Variants in CELF2 observed in about 807,000 individuals in gnomAD.
CELF2 encodes CUG triplet repeat RNA-binding protein 2.
Under a neutral mutation model 62.6 loss-of-function variants are expected in CELF2, and 8 were observed. The ratio of observed to expected loss-of-function variants is 0.13; its 90% CI spans 0.07 to 0.23. The LOEUF (loss-of-function observed/expected upper bound fraction) is 0.23. CELF2 is among the 10% of genes least tolerant of loss of function. CELF2 has a pLI of 1.00. For missense variants in CELF2, 333 were observed against 671.0 expected (o/e 0.50, Z 5.56); for synonymous variants, 258 against 250.0 (o/e 1.03, Z -0.30).
At chr10:10,689,705 G>T in the CELF2 span, among the ~76,000 whole-genome samples, 1 of 152,150 alleles carries the variant, frequency 6.6e-6, no homozygotes, top group Non-Finnish European at 1.5e-5. Context: ...ACCTGGATTA[G>T]CAAATAACCG....
rs1019409175 is a variant in CELF2, at chr10:10,931,602, A to C, written c.89+11603A>C. ...TTGGGCACCACGGCACCCCTTCCAA[A>C]GTAAAGAAAATTTATTTCCAAATTA... On this transcript the variant is annotated intron_variant, in intron 2 of 13. Coordinates refer to the CELF2 transcript ENST00000636488. The surrounding 1 kb of genome is among the most constrained non-coding windows in gnomAD (Gnocchi z 6.1). 7.9e-5 allele frequency among the ~76,000 whole-genome samples: 12 copies of C among 152,290 alleles called. No individual in the cohort carries two copies. Among genetic ancestry groups the C allele is most frequent in the Non-Finnish European group, 1.5e-4 (10 of 68,016 alleles).
intron 1 of CELF2, among the ~76,000 whole-genome samples, chr10:11,112,686 T>G (rs1341937206): frequency 1.3e-5 from 2 of 152,244 alleles, no homozygotes; most frequent in African/African-American, 4.8e-5. Context: ...GCAATAGTAA[T>G]GATCAATTTT....
intron 1 of CELF2, among the ~76,000 whole-genome samples, chr10:11,052,326 T>C (rs978584106): frequency 6.6e-6 from 1 of 152,222 alleles, no homozygotes; most frequent in Non-Finnish European, 1.5e-5. Context: ...TTACCTTTTT[T>C]CAAAGACATT....
At chr10:10,620,079 A>T in the CELF2 span, among the ~76,000 whole-genome samples, 1 of 152,194 alleles carries the variant, frequency 6.6e-6, no homozygotes, top group African/African-American at 2.4e-5. Flanking sequence ...TAGAAAAAAA[A>T]TGTTTCTAAT....
intron 1 of CELF2, among the ~76,000 whole-genome samples, chr10:11,148,102 G>A (rs1348824977): frequency 1.3e-5 from 2 of 152,264 alleles, no homozygotes; most frequent in African/African-American, 2.4e-5. Flanking sequence ...CAAGAAGAAC[G>A]TGGCTTGATA....
At chr10:11,084,850 G>A (rs967747874) in intron 1 of CELF2, among the ~76,000 whole-genome samples, 9 of 152,128 alleles carry the variant, frequency 5.9e-5, no homozygotes, top group Admixed American at 2.6e-4. Flanking sequence ...GGTCATTATC[G>A]TCAAACTGCT....
At chr10:10,594,369 G>A in the CELF2 span, among the ~76,000 whole-genome samples, 1 of 148,990 alleles carries the variant, frequency 6.7e-6, no homozygotes, top group Non-Finnish European at 1.5e-5. Flanking sequence ...ACAGGCTTAT[G>A]GGCACCCATT....
At chr10:11,053,850 G>A (rs908618087) in intron 1 of CELF2, among the ~76,000 whole-genome samples, 11 of 151,914 alleles carry the variant, frequency 7.2e-5, no homozygotes, top group African/African-American at 1.9e-4. Flanking sequence ...TCCTGACCTC[G>A]TGATCCACCC....
At chr10:10,672,999 A>C in the CELF2 span, among the ~76,000 whole-genome samples, 1 of 151,782 alleles carries the variant, frequency 6.6e-6, no homozygotes, top group Non-Finnish European at 1.5e-5. Context: ...CCTCATATAG[A>C]TCTTGTATGT....
At chr10:10,644,866 C>G in the CELF2 span, among the ~76,000 whole-genome samples, 1 of 152,190 alleles carries the variant, frequency 6.6e-6, no homozygotes, top group East Asian at 1.9e-4. Flanking sequence ...TCAGCAGTGA[C>G]TTAGAAAATG....
chr10:11,029,771 C>T (rs895362304), intron 1 of CELF2, among the ~76,000 whole-genome samples: 1 of 152,242 alleles, frequency 6.6e-6, no homozygotes, highest in Non-Finnish European at 1.5e-5. Flanking sequence ...TGTTTCTGTA[C>T]AAATTAATTG....
chr10:10,779,151 C>T, the CELF2 span, among the ~76,000 whole-genome samples: 2 of 152,184 alleles, frequency 1.3e-5, 1 homozygote, highest in South Asian at 4.1e-4. Context: ...CTAACATTTG[C>T]AGAATGGATT....
At chr10:10,499,661 T>C in the CELF2 span, among the ~76,000 whole-genome samples, 1 of 152,106 alleles carries the variant, frequency 6.6e-6, no homozygotes, top group African/African-American at 2.4e-5. Context: ...GGGCAGATCA[T>C]GAGGTCAAGA....
chr10:11,186,582 T>C (rs1373077205), intron 2 of CELF2, among the ~76,000 whole-genome samples: 1 of 152,194 alleles, frequency 6.6e-6, no homozygotes, highest in Non-Finnish European at 1.5e-5. Flanking sequence ...CTTTGACCTG[T>C]GGGTTATTCA....
At chr10:10,614,933 G>A in the CELF2 span, among the ~76,000 whole-genome samples, 168 of 152,186 alleles carry the variant, frequency 1.1e-3, 2 homozygotes, top group African/African-American at 3.9e-3. Flanking sequence ...TTTTTCGGTG[G>A]TGGGAAGCAA....
chr10:10,497,191 T>TAAAAAAAA, the CELF2 span, among the ~76,000 whole-genome samples: 1 of 94,154 alleles, frequency 1.1e-5, no homozygotes, highest in Non-Finnish European at 2.1e-5. Flanking sequence ...AGACTCCATC[T>TAAAAAAAA]AAAAAAAAAA....
intron 1 of CELF2, among the ~76,000 whole-genome samples, chr10:11,058,541 G>A (rs1466493412): frequency 5.1e-5 from 7 of 138,292 alleles, no homozygotes; most frequent in Non-Finnish European, 9.1e-5. Flanking sequence ...ATCTCGACTC[G>A]CTGCAACCTC....
chr10:10,642,815 G>A, the CELF2 span, among the ~76,000 whole-genome samples: 1 of 152,358 alleles, frequency 6.6e-6, no homozygotes, highest in South Asian at 2.1e-4. Flanking sequence ...TGCAGGTGGA[G>A]CCCTGCCCAC....
intron 1 of CELF2, among the ~76,000 whole-genome samples, chr10:11,113,415 T>C (rs2055735011): frequency 6.6e-6 from 1 of 152,158 alleles, no homozygotes; most frequent in Non-Finnish European, 1.5e-5. Flanking sequence ...TTCTCCTCTA[T>C]GCTATCACTA....
Sources: allele counts gnomAD v4.1 joint callset (sites outside exome capture counted in the v4.1 genomes callset), GRCh38; gene constraint gnomAD v4.1.1; non-coding constraint Gnocchi (gnomAD v3.1); transcripts MANE v1.5; gene names NCBI Gene and HGNC (gene_info 2026-07-23, HGNC 2026-07-21).